The following GRM7 variants were observed in gnomAD, a reference collection of about 807,000 sequenced individuals.
The protein encoded by GRM7 is glutamate metabotropic receptor 7.
In GRM7, 35 loss-of-function variants were observed where a neutral mutation model predicts 84.5. That is an observed-to-expected ratio of 0.41 (90% CI 0.32 to 0.55). The LOEUF (loss-of-function observed/expected upper bound fraction) is 0.55. Among genes scored for constraint, GRM7 ranks in the 20% least tolerant of loss-of-function variants. The probability of loss-of-function intolerance (pLI) is 0.19; values close to 1 mark genes in which losing one functional copy is unlikely to be tolerated. For missense variants in GRM7, 1,003 were observed against 1,194.6 expected, an observed-to-expected ratio of 0.84 and a Z score of 2.36; for synonymous variants, 487 against 455.1, an observed-to-expected ratio of 1.07 and a Z score of -0.89.
At chr3:7,158,134 A>G (rs1186334325) in intron 2 of GRM7, among the ~76,000 whole-genome samples, 3 of 152,128 alleles carry the variant, frequency 2.0e-5, no homozygotes, top group Non-Finnish European at 4.4e-5. Context: ...ACACATCTTC[A>G]TTTTTTCTGA....
Position 7,442,527 on chromosome 3 carries a change from G to A in GRM7, c.1175-10080G>A, listed in dbSNP as rs1026169877. Among the ~76,000 whole-genome samples, 5 of 152,204 alleles carry A rather than the reference G, an allele frequency of 3.3e-5. No individual in the cohort carries two copies. The East Asian group carries it at 9.7e-4, about 29-fold the overall frequency. On this transcript the variant is annotated intron_variant, in intron 5 of 9. Coordinates refer to ENST00000357716, the MANE Select transcript of GRM7 (RefSeq NM_000844.4). ...AAAATAAACTTTGATAAAACTGATG[G>A]TTCTGAAATGTCCTTTCAAATTCTG...
intron 1 of GRM7, among the ~76,000 whole-genome samples, chr3:6,892,441 A>C (rs370297159): frequency 6.6e-6 from 1 of 152,172 alleles, no homozygotes; most frequent in East Asian, 1.9e-4. Flanking sequence ...ACTGAAACTT[A>C]ATCAATAACC....
At chr3:7,238,828 T>TCTCCC (rs58022159) in intron 2 of GRM7, among the ~76,000 whole-genome samples, 2 of 147,640 alleles carry the variant, frequency 1.4e-5, no homozygotes, top group African/African-American at 2.5e-5. Flanking sequence ...CCTCCTCTCC[T>TCTCCC]CTCCCCTCCC....
chr3:7,240,120 G>GTTTTTTGTTTTTT (rs1343016922), intron 2 of GRM7, among the ~76,000 whole-genome samples: 3 of 52,722 alleles, frequency 5.7e-5, no homozygotes, highest in Admixed American at 3.6e-4. Context: ...AGCATGTGAG[G>GTTTTTTGTTTTTT]TTTTTTTTTT....
chr3:6,919,182 A>C (rs1207002795), intron 1 of GRM7, among the ~76,000 whole-genome samples: 1 of 151,898 alleles, frequency 6.6e-6, no homozygotes, highest in African/African-American at 2.4e-5. Flanking sequence ...TCTTAAAATA[A>C]ATGTATTTTA....
chr3:7,697,734 G>A (rs1293178429), intron 9 of GRM7, among the ~76,000 whole-genome samples: 1 of 152,098 alleles, frequency 6.6e-6, no homozygotes, highest in Non-Finnish European at 1.5e-5. Context: ...AGCAGTTCAT[G>A]GTGCATATCT....
At chr3:7,178,252 A>T (rs1268023315) in intron 2 of GRM7, among the ~76,000 whole-genome samples, 1 of 152,230 alleles carries the variant, frequency 6.6e-6, no homozygotes. Flanking sequence ...TATATTAGAC[A>T]TAACATATGA....
chr3:6,979,943 A>G (rs936468711), intron 1 of GRM7, among the ~76,000 whole-genome samples: 4 of 152,164 alleles, frequency 2.6e-5, no homozygotes, highest in Non-Finnish European at 5.9e-5. Context: ...GAGGGGTAAC[A>G]TTCTACTTTA....
At chr3:7,118,943 AT>A (rs1261428333) in intron 1 of GRM7, among the ~76,000 whole-genome samples, 5 of 152,156 alleles carry the variant, frequency 3.3e-5, no homozygotes, top group African/African-American at 1.2e-4. Flanking sequence ...TATAAAGCAT[AT>A]CTTGACTTGC....
intron 1 of GRM7, among the ~76,000 whole-genome samples, chr3:7,019,259 C>T (rs548347345): frequency 4.6e-5 from 7 of 152,280 alleles, no homozygotes; most frequent in Middle Eastern, 3.4e-3. Flanking sequence ...CATCTCCCAT[C>T]AGAGTCACAC....
chr3:7,698,671 G>C (rs1245133938), intron 9 of GRM7, among the ~76,000 whole-genome samples: 1 of 152,176 alleles, frequency 6.6e-6, no homozygotes, highest in Non-Finnish European at 1.5e-5. Context: ...TCTTGTTGCA[G>C]TGGGCTGTCC....
At chr3:7,104,103 T>C (rs772984408) in intron 1 of GRM7, among the ~76,000 whole-genome samples, 6 of 151,574 alleles carry the variant, frequency 4.0e-5, no homozygotes, top group Non-Finnish European at 7.4e-5. Flanking sequence ...CGTCTTATGA[T>C]GGGATTAGTG....
intron 7 of GRM7, among the ~76,000 whole-genome samples, chr3:7,520,452 C>T (rs997655358): frequency 3.3e-5 from 5 of 151,830 alleles, no homozygotes; most frequent in African/African-American, 1.2e-4. Context: ...TCATTTAATT[C>T]TCCTATATTC....
chr3:7,481,717 C>G (rs1323893367), intron 7 of GRM7, among the ~76,000 whole-genome samples: 1 of 152,136 alleles, frequency 6.6e-6, no homozygotes, highest in Non-Finnish European at 1.5e-5. Context: ...GAACTCTTGC[C>G]TATTAATGTG....
At chr3:7,711,678 G>C (rs988015436) in intron 9 of GRM7, among the ~76,000 whole-genome samples, 8 of 152,094 alleles carry the variant, frequency 5.3e-5, no homozygotes, top group Admixed American at 6.6e-5. Flanking sequence ...ACCGATCTTG[G>C]GCCATGACTC....
chr3:7,377,854 G>A (rs1694418969), intron 4 of GRM7, among the ~76,000 whole-genome samples: 1 of 152,160 alleles, frequency 6.6e-6, no homozygotes, highest in South Asian at 2.1e-4. Context: ...AAAGTTATTG[G>A]AGGTTACCAC....
chr3:7,279,604 T>C lies in GRM7; in HGVS notation c.737-19080T>C, dbSNP rs185707325. ...TCTGTGGATAGTAGAATTCAATAAA[T>C]GTGTGCAGGTAAGCAGAGGCAAGAC... On this transcript the variant is annotated intron_variant, in intron 2 of 9. Coordinates refer to ENST00000357716, the MANE Select transcript of GRM7 (RefSeq NM_000844.4). 9.2e-5 allele frequency among the ~76,000 whole-genome samples: 14 copies of C among 152,168 alleles called. No homozygotes were observed. The East Asian group carries it at 2.3e-3, about 25-fold the overall frequency.
At chr3:7,676,037 G>A (rs1200112627) in intron 8 of GRM7, among the ~76,000 whole-genome samples, 8 of 151,938 alleles carry the variant, frequency 5.3e-5, no homozygotes, top group Non-Finnish European at 1.2e-4. Flanking sequence ...GTGCAGTGGC[G>A]TGATCGTGAT....
At chr3:6,909,522 T>C (rs1255417558) in intron 1 of GRM7, among the ~76,000 whole-genome samples, 1 of 152,132 alleles carries the variant, frequency 6.6e-6, no homozygotes, top group East Asian at 1.9e-4. Context: ...CAGATTAAGA[T>C]CTCAGAAATG....
Sources: gnomAD v4.1 joint callset for allele counts (sites outside exome capture counted in the v4.1 genomes callset) on GRCh38, gnomAD v4.1.1 for gene constraint, MANE v1.5 for transcripts, NCBI Gene and HGNC (gene_info 2026-07-23, HGNC 2026-07-21) for gene names.